Variants in OXR1 observed in about 807,000 individuals in gnomAD.
OXR1 encodes oxidation resistance protein 1.
OXR1 carries 41 observed loss-of-function variants against 104.6 expected under a neutral mutation model. The observed-to-expected ratio is 0.39, with a 90% CI of 0.31 to 0.51. The LOEUF (loss-of-function observed/expected upper bound fraction) is 0.51, where lower values mean the gene tolerates loss of function less well. Ranked by LOEUF, OXR1 falls within the 20% of genes least tolerant of loss-of-function variation. The pLI, the probability that OXR1 is intolerant of heterozygous loss-of-function variation, is 0.77. For missense variants in OXR1, 955 were observed against 1,031.9 expected, an observed-to-expected ratio of 0.93 and a Z score of 1.02; for synonymous variants, 348 against 348.4, an observed-to-expected ratio of 1.00 and a Z score of 0.01.
In OXR1 at chr8:106,405,765, G is replaced by A. The variant is rs190413855; in HGVS notation, c.23+46129G>A. Among the ~76,000 whole-genome samples the A allele has an allele frequency of 6.6e-5, 10 of 152,106 alleles. No individual in the cohort carries two copies. In the East Asian group the frequency reaches 1.4e-3, roughly 21 times the overall value. ...GCAACTGACTACAGATGATGAAGGA[G>A]GCCAATTTAGACAAACAAACAAACA... On this transcript the variant is annotated intron_variant, in intron 2 of 16. Transcript: ENST00000517566.
At chr8:106,624,042 G>A (rs1438719033) in intron 3 of OXR1, among the ~76,000 whole-genome samples, 3 of 152,190 alleles carry the variant, frequency 2.0e-5, no homozygotes, top group African/African-American at 7.2e-5. Context: ...TCCTGTGTCT[G>A]TTTAGTGTTT....
chr8:106,602,211 T>A (rs1444414375), intron 3 of OXR1, among the ~76,000 whole-genome samples: 3 of 152,152 alleles, frequency 2.0e-5, no homozygotes, highest in Non-Finnish European at 4.4e-5. Context: ...AAATAATTGT[T>A]TTTTCTAAGC....
intron 11 of OXR1, among the ~76,000 whole-genome samples, chr8:106,718,751 A>G (rs1832528921): frequency 6.6e-6 from 1 of 151,504 alleles, no homozygotes. Flanking sequence ...AGGCAGGAGA[A>G]TGGCGTGAAC....
intron 1 of OXR1, among the ~76,000 whole-genome samples, chr8:106,299,417 ATT>A (rs1352500482): frequency 6.6e-6 from 1 of 152,138 alleles, no homozygotes; most frequent in Non-Finnish European, 1.5e-5. Context: ...ATAGTAGCAC[ATT>A]AGAGTGATAC....
intron 1 of OXR1, among the ~76,000 whole-genome samples, chr8:106,339,514 AAAAAAATATATATATATATATAT>A (rs1176987830): frequency 1.9e-4 from 7 of 36,394 alleles, no homozygotes; most frequent in African/African-American, 1.4e-3. Context: ...AAAAAAAAAA[AAAAAAATATATATATATATATAT>A]ATATATATAT....
At chr8:106,588,904 G>A (rs1586855742) in intron 3 of OXR1, among the ~76,000 whole-genome samples, 2 of 152,232 alleles carry the variant, frequency 1.3e-5, no homozygotes, top group South Asian at 2.1e-4. Flanking sequence ...ACTGTCTGAT[G>A]TTTTAATATC....
At chr8:106,388,901 A>T (rs1245904766) in intron 2 of OXR1, among the ~76,000 whole-genome samples, 1 of 152,208 alleles carries the variant, frequency 6.6e-6, no homozygotes, top group East Asian at 1.9e-4. Flanking sequence ...GCTCAAAGAG[A>T]TCTTTCTGTT....
At chr8:106,735,717 G>A (rs1834306842) in intron 11 of OXR1, among the ~76,000 whole-genome samples, 1 of 152,014 alleles carries the variant, frequency 6.6e-6, no homozygotes, top group South Asian at 2.1e-4. Flanking sequence ...GTTTTGCTGG[G>A]CATAGAAAAG....
intron 2 of OXR1, among the ~76,000 whole-genome samples, chr8:106,491,831 C>T (rs1453223): frequency 0.11 from 16,218 of 151,998 alleles, 943 homozygotes; most frequent in African/African-American, 0.14. Context: ...AGGTGGTTTA[C>T]GTGAGTGTTT....
At chr8:106,432,946 G>A (rs1219951545) in intron 2 of OXR1, among the ~76,000 whole-genome samples, 1 of 152,136 alleles carries the variant, frequency 6.6e-6, no homozygotes, top group Non-Finnish European at 1.5e-5. Context: ...CTTTTCTCAT[G>A]TCAAAGTATG....
intron 3 of OXR1, among the ~76,000 whole-genome samples, chr8:106,551,866 G>A (rs74624145): frequency 0.024 from 2,516 of 103,512 alleles, 30 homozygotes; most frequent in Non-Finnish European, 0.03. Flanking sequence ...ATATATGTGT[G>A]TGTGTGTGTG....
intron 2 of OXR1, among the ~76,000 whole-genome samples, chr8:106,502,492 C>A (rs938650798): frequency 6.6e-6 from 1 of 152,166 alleles, no homozygotes; most frequent in East Asian, 1.9e-4. Context: ...ACAGTCCATG[C>A]CCACCAGATT....
chr8:106,667,039 G>A (rs1206526788), intron 3 of OXR1, among the ~76,000 whole-genome samples: 1 of 152,166 alleles, frequency 6.6e-6, no homozygotes, highest in Non-Finnish European at 1.5e-5. Flanking sequence ...ATGGCTAGTG[G>A]CTACCATATT....
At chr8:106,453,094 C>T (rs2130622718) in intron 2 of OXR1, among the ~76,000 whole-genome samples, 1 of 152,272 alleles carries the variant, frequency 6.6e-6, no homozygotes, top group South Asian at 2.1e-4. Flanking sequence ...ACAATGACTT[C>T]CTTGTACTAC....
At chr8:106,704,313 GGAGA>G (rs3046757) in intron 8 of OXR1, among the ~76,000 whole-genome samples, 15 of 147,600 alleles carry the variant, frequency 1.0e-4, no homozygotes, top group East Asian at 7.9e-4. Flanking sequence ...ATACATATAT[GGAGA>G]GAGAGAGAGA....
chr8:106,678,099 TTGGGTTAGC>T (rs1382583531), intron 3 of OXR1, among the ~76,000 whole-genome samples: 3 of 152,070 alleles, frequency 2.0e-5, no homozygotes, highest in Non-Finnish European at 2.9e-5. Context: ...TAACAGGGAC[TTGGGTTAGC>T]TGGGTGATCA....
intron 1 of OXR1, among the ~76,000 whole-genome samples, chr8:106,353,225 C>T (rs1401658711): frequency 6.6e-6 from 1 of 152,120 alleles, no homozygotes; most frequent in African/African-American, 2.4e-5. Flanking sequence ...TGGCGCATGC[C>T]TGTAGTCCCA....
At chr8:106,307,570 TTTG>T (rs1813516804) in intron 1 of OXR1, among the ~76,000 whole-genome samples, 1 of 152,076 alleles carries the variant, frequency 6.6e-6, no homozygotes, top group African/African-American at 2.4e-5. Flanking sequence ...TCCTTTTTTT[TTTG>T]TTGTTCTGTT....
intron 1 of OXR1, among the ~76,000 whole-genome samples, chr8:106,343,969 A>C (rs1410865828): frequency 6.6e-6 from 1 of 152,218 alleles, no homozygotes; most frequent in Non-Finnish European, 1.5e-5. Context: ...GCCTTCCTTT[A>C]CTTTCTTACC....
Sources: gnomAD v4.1 joint callset for allele counts (sites outside exome capture counted in the v4.1 genomes callset) on GRCh38, gnomAD v4.1.1 for gene constraint, MANE v1.5 for transcripts, NCBI Gene and HGNC (gene_info 2026-07-23, HGNC 2026-07-21) for gene names.